The following SMC1B variants were observed in gnomAD, a reference collection of about 807,000 sequenced individuals.
SMC1B encodes structural maintenance of chromosomes protein 1B.
In SMC1B, 60 loss-of-function variants were observed where a neutral mutation model predicts 157.9. The observed-to-expected ratio is 0.38, with a 90% CI of 0.31 to 0.47. SMC1B has a LOEUF of 0.47. Among genes scored for constraint, SMC1B ranks in the 20% least tolerant of loss-of-function variants. SMC1B has a pLI of 0.99. For missense variants in SMC1B, 1,165 were observed against 1,426.2 expected (o/e 0.82, Z 2.95); for synonymous variants, 445 against 483.0 (o/e 0.92, Z 1.03).
chr22:45,399,188 C>A lies in SMC1B; in HGVS notation c.1020G>T (p.Leu340=), dbSNP rs1359026307. The A allele has an allele frequency of 6.2e-6, 10 of 1,613,872 alleles. No individual in the cohort carries two copies. In the East Asian group the frequency reaches 1.8e-4, roughly 29 times the overall value. ...TTCTCCATGCAGCATCTAAATCAGCCAGCTCTGTCTCCAGGGCTTTTATAT... is the reference window on the plus strand; with the variant it reads ...TTCTCCATGCAGCATCTAAATCAGCAAGCTCTGTCTCCAGGGCTTTTATAT... The part of the protein sequence containing the change: ...EDDIKALETE[L]ADLDAAWRSF... Residue 340 remains leucine (L), a synonymous_variant, in exon 6 of 25, where the codon CTG becomes CTT. Coordinates refer to ENST00000357450, the MANE Select transcript of SMC1B (RefSeq NM_148674.5).
chr22:45,383,442 T>G (rs748748711), intron 12 of SMC1B, 25 bp downstream of exon 12: 1 of 1,559,800 alleles, frequency 6.4e-7, no homozygotes, highest in African/African-American at 1.4e-5. Context: ...CTTAGTATAT[T>G]ACAACTTTTA....
At chr22:45,369,899 A>G in intron 15 of SMC1B, 55 bp downstream of exon 15, 1 of 1,007,362 alleles carries the variant, frequency 9.9e-7, no homozygotes, top group South Asian at 1.5e-5. Flanking sequence ...TTATGAAATA[A>G]TAACTATTTT....
rs770516939 is a variant in SMC1B, at chr22:45,372,274, G to A, written c.2077C>T (p.Arg693Cys). ...ATTTGTTTCAAATCTGTTTCTTTGC[G>A]GAGTGTCTTCATTAAACCCTAAAAG... ...QELKGLMKTL[R>C]KETDLKQIQT... The change falls in exon 13 of 25, where the codon CGC (arginine) becomes TGC (cysteine). Residue 693 changes from arginine (R) to cysteine (C), a missense_variant. Arg to Cys is a radical substitution (Grantham distance 180). Coordinates refer to ENST00000357450, the MANE Select transcript of SMC1B (RefSeq NM_148674.5). 23 of 1,601,582 alleles carry A rather than the reference G, an allele frequency of 1.4e-5. No homozygotes were observed. The highest frequency in any genetic ancestry group is 4.5e-5 in the East Asian group (2 of 44,406).
At position 45,344,459 on chromosome 22, in the gene SMC1B, G is replaced by T. The variant is rs571211513; in HGVS notation, c.*97C>A. 8.3e-5 allele frequency: 68 copies of T among 820,774 alleles called. 1 individual carries two copies. The South Asian group carries it at 9.3e-4, about 11-fold the overall frequency. The allele number at this position is 820,774 out of a possible 1,614,324, so 50.8% of individuals were successfully genotyped here. On this transcript the variant is annotated 3_prime_UTR_variant, in exon 25 of 25. Coordinates refer to ENST00000357450, the MANE Select transcript of SMC1B (RefSeq NM_148674.5). ...AGGTTTCTCTTAAAGGGTGCACCAG[G>T]CTGGTCCTGCTTGCTCCAGAAGTCT...
At chr22:45,380,223 T>C (rs892610439) in intron 12 of SMC1B, among the ~76,000 whole-genome samples, 1 of 152,154 alleles carries the variant, frequency 6.6e-6, no homozygotes, top group African/African-American at 2.4e-5. Context: ...TTTAAACGTA[T>C]AAGGAATTTT....
At chr22:45,358,899 C>A in intron 18 of SMC1B, 104 bp from the exon 19 acceptor site, 1 of 699,432 alleles carries the variant, frequency 1.4e-6, no homozygotes, top group Admixed American at 2.5e-5. Context: ...CATCAAAGAT[C>A]AGTTATATAG....
rs763328248 is a variant in SMC1B at position 45,393,840 on chromosome 22, C to A, written c.1339G>T (p.Asp447Tyr). ...TGCTGTTTTTTCTCTTTCAAGCAAT[C>A]CCTACAAAATAACAACAAATTATAC... is the stretch of plus-strand genomic sequence containing the variant. ...KLEEYTKTCM[D>Y]CLKEKKQQEE... The change falls in exon 9 of 25, where the codon GAT (aspartate) becomes TAT (tyrosine). Residue 447 changes from aspartate to tyrosine, a missense_variant and splice_region_variant. Asp to Tyr is a radical substitution (Grantham distance 160). Transcript: ENST00000357450. 3 of 1,603,016 alleles carry A rather than the reference C, an allele frequency of 1.9e-6. No individual in the cohort carries two copies. In the Admixed American group the frequency reaches 5.1e-5, roughly 27 times the overall value.
At chr22:45,413,438 C>T (rs761265961) in intron 1 of SMC1B, 21 bp downstream of exon 1, 11 of 1,564,706 alleles carry the variant, frequency 7.0e-6, no homozygotes, top group Non-Finnish European at 9.6e-6. Flanking sequence ...GCTCCGGTGG[C>T]GCCCTGAGCT....
intron 23 of SMC1B, among the ~76,000 whole-genome samples, chr22:45,347,735 T>C (rs1457946851): frequency 6.6e-6 from 1 of 152,212 alleles, no homozygotes; most frequent in Non-Finnish European, 1.5e-5. Flanking sequence ...ATTACAGGCA[T>C]GAGCCATCAC....
chr22:45,344,568 T>A lies in SMC1B; in HGVS notation c.3696A>T (p.Gly1232=). ...TGCAGGACTGCCCCTAGCGGGACTC[T>A]CCGTGTCTCTTGCTGCTTTCTTGGC... ...TEGQESSKRH[G]ESR is the part of the protein sequence containing the mutation. The change falls in exon 25 of 25, where the codon GGA becomes GGT. Residue 1232 remains glycine (G), a synonymous_variant. Transcript: ENST00000357450. 1 of 1,613,420 alleles carries A rather than the reference T, an allele frequency of 6.2e-7. No individual in the cohort carries two copies. Among genetic ancestry groups the A allele is most frequent in the South Asian group, 1.1e-5 (1 of 91,068 alleles).
chr22:45,380,152 C>T (rs571036494), intron 12 of SMC1B, among the ~76,000 whole-genome samples: 30 of 152,244 alleles, frequency 2.0e-4, no homozygotes, highest in African/African-American at 7.2e-4. Flanking sequence ...AGTCCTCTTC[C>T]TTTTAGCTAT....
In SMC1B at chr22:45,405,333, G is replaced by A. The variant is rs559706548; in HGVS notation, c.615+1127C>T. ...CCCAGCACTTTGGGAGGCCGAGGCAGGCAGATCACGAGGTCAGGAGAATGA... is the reference window on the plus strand; with the variant it reads ...CCCAGCACTTTGGGAGGCCGAGGCAAGCAGATCACGAGGTCAGGAGAATGA... On this transcript the variant is annotated intron_variant, in intron 4 of 24. Transcript: ENST00000357450. Among the ~76,000 whole-genome samples, 13 of 152,210 alleles carry A rather than the reference G, an allele frequency of 8.5e-5. No homozygotes were observed. The East Asian group carries it at 1.4e-3, about 16-fold the overall frequency.
In SMC1B at chr22:45,345,444, C is replaced by T; in HGVS notation, c.3606+15G>A. The stretch of plus-strand genomic sequence containing the variant: ...GGCATTGGGTACACTCCTCTCGCCT[C>T]TGATTTGTCTTTACCTCAGGATAGA... On this transcript the variant is annotated intron_variant, in intron 24 of 24. Coordinates refer to ENST00000357450, the MANE Select transcript of SMC1B (RefSeq NM_148674.5). 1 of 1,574,904 alleles carries T rather than the reference C, an allele frequency of 6.3e-7. No individual in the cohort carries two copies. The highest frequency in any genetic ancestry group is 8.7e-7 in the Non-Finnish European group (1 of 1,146,044).
chr22:45,405,245 A>C, intron 4 of SMC1B, among the ~76,000 whole-genome samples: 1 of 152,202 alleles, frequency 6.6e-6, no homozygotes, highest in Non-Finnish European at 1.5e-5. Context: ...AAACAGAGAC[A>C]AGGCTAGTAC....
At chr22:45,395,029 C>G (rs1021279661) in intron 7 of SMC1B, among the ~76,000 whole-genome samples, 1 of 152,132 alleles carries the variant, frequency 6.6e-6, no homozygotes, top group African/African-American at 2.4e-5. Flanking sequence ...CTATATAGTT[C>G]TTACCCCTTA....
intron 12 of SMC1B, among the ~76,000 whole-genome samples, chr22:45,374,312 T>A (rs2096046472): frequency 6.6e-6 from 1 of 151,980 alleles, no homozygotes; most frequent in South Asian, 2.1e-4. Context: ...TTTTAGATGA[T>A]CAAGTTGTCT....
chr22:45,408,251 G>A (rs1444196221), intron 2 of SMC1B, among the ~76,000 whole-genome samples: 3 of 152,088 alleles, frequency 2.0e-5, no homozygotes, highest in Admixed American at 6.5e-5. Context: ...TCAGCCTCCC[G>A]AGTAGCTGGG....
chr22:45,380,081 G>A (rs924749098), intron 12 of SMC1B, among the ~76,000 whole-genome samples: 2 of 152,046 alleles, frequency 1.3e-5, no homozygotes, highest in Non-Finnish European at 2.9e-5. Flanking sequence ...TGGAGTACGT[G>A]GATGACAATC....
Position 45,399,741 on chromosome 22 carries a change from A to C in SMC1B, c.855-388T>G, listed in dbSNP as rs2087170172. 2.6e-5 allele frequency among the ~76,000 whole-genome samples: 4 copies of C among 152,218 alleles called. No homozygotes were observed. The South Asian group carries it at 8.3e-4, about 32-fold the overall frequency. ...ATAAATGTAGAAACAGCCTTACTGA[A>C]GGGGTGGAAGGAAAACATGCTGACC... is the stretch of plus-strand genomic sequence containing the variant. On this transcript the variant is annotated intron_variant, in intron 5 of 24. Transcript: ENST00000357450.
Sources: allele counts gnomAD v4.1 joint callset (sites outside exome capture counted in the v4.1 genomes callset), GRCh38; gene constraint gnomAD v4.1.1; transcripts MANE v1.5; gene names NCBI Gene and HGNC (gene_info 2026-07-23, HGNC 2026-07-21).